Variants in DMD observed in about 807,000 individuals in gnomAD.
The protein encoded by DMD is mutant dystrophin.
A neutral mutation model predicts 330.1 loss-of-function variants in DMD; 63 were observed. The observed-to-expected ratio is 0.19, with a 90% CI of 0.16 to 0.24. The LOEUF is 0.24. Among genes scored for constraint, DMD ranks in the 10% least tolerant of loss-of-function variants. The probability of loss-of-function intolerance (pLI) is 1.00; values close to 1 mark genes in which losing one functional copy is unlikely to be tolerated. For missense variants in DMD, 3,344 were observed against 2,684.1 expected (o/e 1.25, Z -5.43); for synonymous variants, 1,223 against 959.8 (o/e 1.27, Z -5.07).
At chrX:31,172,549 G>C in intron 72 of DMD, 136 bp from the exon 73 acceptor site, 1 of 551,119 alleles carries the variant, frequency 1.8e-6, no homozygotes, top group Non-Finnish European at 3.1e-6. Flanking sequence ...TAAAGGATGT[G>C]TGTGTTGGCT....
intron 59 of DMD, among the ~76,000 whole-genome samples, chrX:31,473,482 G>A (rs1314593216): frequency 3.6e-5 from 4 of 110,274 alleles, no homozygotes; most frequent in African/African-American, 1.3e-4. Flanking sequence ...AGCACTTTGG[G>A]AGGCCAAGGT....
At chrX:33,023,006 C>G (rs1291327105) in intron 1 of DMD, among the ~76,000 whole-genome samples, 1 of 111,552 alleles carries the variant, frequency 9.0e-6, no homozygotes, top group East Asian at 2.8e-4. Flanking sequence ...AATGAGCCTT[C>G]TTTAATGGTG....
intron 62 of DMD, among the ~76,000 whole-genome samples, chrX:31,278,015 TA>T (rs34835188): frequency 0.14 from 3,159 of 21,788 alleles, 66 homozygotes; most frequent in Admixed American, 0.37. Flanking sequence ...AAGTTGAAAT[TA>T]AAAAAAAAAA....
At chrX:31,964,829 A>G (rs1288505082) in intron 45 of DMD, among the ~76,000 whole-genome samples, 2 of 111,481 alleles carry the variant, frequency 1.8e-5, no homozygotes, top group Non-Finnish European at 3.8e-5. Flanking sequence ...AAAAAATTCA[A>G]AATTATTTTC....
chrX:32,645,542 T>A (rs1176091654), intron 9 of DMD, among the ~76,000 whole-genome samples: 1 of 111,796 alleles, frequency 8.9e-6, no homozygotes. Context: ...GCAATGGCAT[T>A]AAAGGAAATA....
chrX:31,491,806 A>G (rs1173701427), intron 57 of DMD, among the ~76,000 whole-genome samples: 1 of 112,155 alleles, frequency 8.9e-6, no homozygotes, highest in African/African-American at 3.2e-5. Flanking sequence ...TTTTCTCTAC[A>G]AGAAAAGAGT....
At chrX:33,236,262 C>CT (rs771494915) in intron 1 of DMD, among the ~76,000 whole-genome samples, 157 of 94,311 alleles carry the variant, frequency 1.7e-3, no homozygotes, top group Middle Eastern at 6.6e-3. Context: ...CTTCTCCTTC[C>CT]TTTTTTTTTT....
At position 33,269,817 on chromosome X, in the gene DMD, TTA is replaced by T. The variant is rs2053121643; in HGVS notation, c.7+69440_7+69441del. Reference sequence around the variant, plus strand: ...GTAATTAGCCATACTTTACTGCATTTTATGAGTAGAATTATATGCCTTAGTGA... The same window carrying T: ...GTAATTAGCCATACTTTACTGCATTTTGAGTAGAATTATATGCCTTAGTGA... On this transcript the variant is annotated intron_variant, in intron 1 of 17. Coordinates refer to the DMD transcript ENST00000288447. Among the ~76,000 whole-genome samples, 8 of 111,069 alleles carry T rather than the reference TTA, an allele frequency of 7.2e-5. 1 individual carries two copies. In the South Asian group the frequency reaches 3.1e-3, roughly 43 times the overall value.
intron 44 of DMD, among the ~76,000 whole-genome samples, chrX:32,117,021 G>T (rs750496779): frequency 1.1e-4 from 12 of 111,427 alleles, no homozygotes; most frequent in Non-Finnish European, 2.3e-4. Context: ...AACCTAAGAG[G>T]GGAGTGAAAA....
Position 31,944,570 on chromosome X carries a change from C to T in DMD, c.6615-12343G>A, listed in dbSNP as rs761287615. 2.8e-5 allele frequency among the ~76,000 whole-genome samples: 3 copies of T among 106,974 alleles called. No homozygotes were observed. In the East Asian group the frequency reaches 8.8e-4, roughly 31 times the overall value. 92.9% of individuals were successfully genotyped at this position (106,974 alleles called of 115,157 possible). On this transcript the variant is annotated intron_variant, in intron 45 of 78. Coordinates refer to ENST00000357033, the MANE Select transcript of DMD (RefSeq NM_004006.3). ...TCGGCTCACTGCAACCTCTGCCTCC[C>T]GGGTTCGAGCAATTCTTCTGCTTCA...
intron 1 of DMD, among the ~76,000 whole-genome samples, chrX:33,097,027 G>A (rs6628776): frequency 0.32 from 35,303 of 110,228 alleles, 4,346 homozygotes; most frequent in East Asian, 0.74. Context: ...AGAAATTATC[G>A]AGTTTGGTCT....
intron 48 of DMD, among the ~76,000 whole-genome samples, chrX:31,844,299 ATTT>A (rs35743535): frequency 1.2e-4 from 12 of 97,115 alleles, no homozygotes; most frequent in African/African-American, 3.0e-4. Flanking sequence ...TCCTTTCCCC[ATTT>A]TTTTTTTTTT....
intron 43 of DMD, among the ~76,000 whole-genome samples, chrX:32,267,425 G>A (rs1257062031): frequency 8.9e-6 from 1 of 112,124 alleles, no homozygotes; most frequent in Non-Finnish European, 1.9e-5. Context: ...TTCATTTCTA[G>A]TGAAAACTAA....
At chrX:31,822,653 G>GTGGGTGTGTGT (rs1556919106) in intron 49 of DMD, among the ~76,000 whole-genome samples, 1 of 65,809 alleles carries the variant, frequency 1.5e-5, no homozygotes, top group African/African-American at 6.4e-5. Context: ...AAGGCAGAGG[G>GTGGGTGTGTGT]GTGTGTGTGT....
intron 59 of DMD, among the ~76,000 whole-genome samples, chrX:31,458,282 T>A (rs565439488): frequency 9.0e-6 from 1 of 110,885 alleles, no homozygotes; most frequent in East Asian, 2.8e-4. Flanking sequence ...GTCAAGAGTT[T>A]ATTCAGTTTG....
At chrX:32,649,555 C>CT (rs770218259) in intron 9 of DMD, among the ~76,000 whole-genome samples, 1 of 59,568 alleles carries the variant, frequency 1.7e-5, no homozygotes, top group African/African-American at 8.8e-5. Flanking sequence ...GACTCCGTCT[C>CT]TTTTAAAAAA....
intron 60 of DMD, among the ~76,000 whole-genome samples, chrX:31,408,385 A>G (rs1276082341): frequency 1.8e-5 from 2 of 111,824 alleles, no homozygotes; most frequent in East Asian, 5.5e-4. Context: ...GCATGGAGAA[A>G]TAACTTATTT....
intron 1 of DMD, among the ~76,000 whole-genome samples, chrX:33,316,267 A>C (rs1320052651): frequency 9.0e-6 from 1 of 110,872 alleles, no homozygotes; most frequent in Non-Finnish European, 1.9e-5. Context: ...TTCAATATCA[A>C]TATCTTTAAA....
At chrX:32,703,477 C>G (rs779463032) in intron 7 of DMD, among the ~76,000 whole-genome samples, 1 of 111,827 alleles carries the variant, frequency 8.9e-6, no homozygotes, top group South Asian at 3.8e-4. Flanking sequence ...AAGGAAAAAG[C>G]ATTTATCACT....
Sources: gnomAD v4.1 joint callset for allele counts (sites outside exome capture counted in the v4.1 genomes callset) on GRCh38, gnomAD v4.1.1 for gene constraint, MANE v1.5 for transcripts, NCBI Gene and HGNC (gene_info 2026-07-23, HGNC 2026-07-21) for gene names.